The following CENPO variants were observed in gnomAD, a reference collection of about 807,000 sequenced individuals.
CENPO encodes the protein centromere protein O.
CENPO carries 30 observed loss-of-function variants against 36.1 expected under a neutral mutation model. That is an observed-to-expected ratio of 0.83 (90% CI 0.62 to 1.13). The LOEUF is 1.13. Among genes scored for constraint, CENPO ranks in the 50% most tolerant of loss-of-function variants. The pLI is 0.00. For synonymous variants in CENPO, 171 were observed against 142.3 expected, an observed-to-expected ratio of 1.20 and a Z score of -1.44; for missense variants, 349 against 357.8, an observed-to-expected ratio of 0.98 and a Z score of 0.20.
intron 4 of CENPO, chr2:24,814,783 C>T (rs757532493): frequency 3.3e-6 from 1 of 305,192 alleles, no homozygotes; most frequent in African/African-American, 2.1e-5. Flanking sequence ...TGTACTAGAA[C>T]TGTCTTTACT....
chr2:24,796,719 A>T (rs1396519101), intron 2 of CENPO, among the ~76,000 whole-genome samples: 1 of 152,176 alleles, frequency 6.6e-6, no homozygotes, highest in Non-Finnish European at 1.5e-5. Flanking sequence ...ATGAGCTGGC[A>T]CCTGACCTTG....
At position 24,819,340 on chromosome 2, in the gene CENPO, T is replaced by C. The variant is rs1399079307; in HGVS notation, c.*36-14T>C. ...TATAAATGTAGAAGATCTGTTTATATATTTTTCTTTCAGAAATAAATCCCC... is the reference window on the plus strand; with the variant it reads ...TATAAATGTAGAAGATCTGTTTATACATTTTTCTTTCAGAAATAAATCCCC... On this transcript the variant is annotated splice_polypyrimidine_tract_variant and intron_variant, in intron 7 of 7. Coordinates refer to ENST00000380834, the MANE Select transcript of CENPO (RefSeq NM_001322101.2). 1 of 152,684 alleles carries C rather than the reference T, an allele frequency of 6.5e-6. No individual in the cohort carries two copies. Among genetic ancestry groups the C allele is most frequent in the Non-Finnish European group, 1.5e-5 (1 of 68,072 alleles). 9.5% of individuals were successfully genotyped at this position (152,684 alleles called of 1,614,324 possible). A position where few individuals can be genotyped will look rare whatever the true frequency, so the allele number is the denominator to read the frequency against.
At position 24,821,147 on chromosome 2, in the gene CENPO, C is replaced by T. The variant is rs963386267; in HGVS notation, c.*1829C>T. 9.1e-6 allele frequency: 4 copies of T among 439,752 alleles called. No homozygotes were observed. Among genetic ancestry groups the T allele is most frequent in the Non-Finnish European group, 1.6e-5 (4 of 245,542 alleles). 27.2% of individuals were successfully genotyped at this position (439,752 alleles called of 1,614,324 possible). A position where few individuals can be genotyped will look rare whatever the true frequency, so the allele number is the denominator to read the frequency against. Reference sequence around the variant, plus strand: ...GGGACCTCACTCAGGAATGATACCCCCTCAGTAGAAGCAGCAGGTGATCTT... The same window carrying T: ...GGGACCTCACTCAGGAATGATACCCTCTCAGTAGAAGCAGCAGGTGATCTT... On this transcript the variant is annotated 3_prime_UTR_variant, in exon 8 of 8. Coordinates refer to ENST00000380834, the MANE Select transcript of CENPO (RefSeq NM_001322101.2).
intron 3 of CENPO, among the ~76,000 whole-genome samples, chr2:24,803,868 A>G (rs1252648271): frequency 2.6e-5 from 4 of 152,138 alleles, no homozygotes; most frequent in Admixed American, 2.6e-4. Context: ...AGCTGAGTTC[A>G]GTTCCTGGAT....
intron 3 of CENPO, among the ~76,000 whole-genome samples, chr2:24,809,770 A>G (rs926650409): frequency 3.3e-5 from 5 of 152,120 alleles, no homozygotes; most frequent in African/African-American, 1.2e-4. Context: ...TGAATGACTC[A>G]GCATGTGGTC....
At chr2:24,799,459 G>C (rs12475751) in intron 2 of CENPO, among the ~76,000 whole-genome samples, 63,960 of 151,866 alleles carry the variant, frequency 0.42, 15,475 homozygotes, top group East Asian at 0.6. Flanking sequence ...GGAGGATCCT[G>C]TTTTACATCA....
chr2:24,794,487 T>G (rs191681564), intron 2 of CENPO, among the ~76,000 whole-genome samples: 76 of 152,356 alleles, frequency 5.0e-4, no homozygotes, highest in African/African-American at 1.7e-3. Context: ...GGAAAAGTAT[T>G]GAACTCAGAC....
rs927676245 is a variant in CENPO, at chr2:24,819,659, T to TA, written c.*341_*342insA. The TA allele has an allele frequency of 7.9e-5, 28 of 354,582 alleles. No homozygotes were observed. Among genetic ancestry groups the TA allele is most frequent in the Non-Finnish European group, 1.3e-4 (25 of 195,616 alleles). 22.0% of individuals were successfully genotyped at this position (354,582 alleles called of 1,614,324 possible). A position where few individuals can be genotyped will look rare whatever the true frequency, so the allele number is the denominator to read the frequency against. ...TCCTGCTCACAGTGGTCAGGGCCCCTCAGGGGCAAGGACGGCAGGGATTGG... is the reference window on the plus strand; with the variant it reads ...TCCTGCTCACAGTGGTCAGGGCCCCTACAGGGGCAAGGACGGCAGGGATTGG... On this transcript the variant is annotated 3_prime_UTR_variant, in exon 8 of 8. Transcript: ENST00000380834.
chr2:24,816,509 C>G, intron 5 of CENPO, 137 bp from the exon 6 acceptor site: 1 of 659,864 alleles, frequency 1.5e-6, no homozygotes, highest in East Asian at 2.9e-5. Flanking sequence ...TTTTTCAGAC[C>G]TTTTTCTGTC....
At chr2:24,818,699 G>C (rs1451342899) in intron 7 of CENPO, among the ~76,000 whole-genome samples, 1 of 152,204 alleles carries the variant, frequency 6.6e-6, no homozygotes, top group Non-Finnish European at 1.5e-5. Context: ...CGCCCCCCGG[G>C]TCTTCCCTCT....
At chr2:24,810,015 T>TCCAG (rs1666604203) in intron 3 of CENPO, among the ~76,000 whole-genome samples, 1 of 148,162 alleles carries the variant, frequency 6.7e-6, no homozygotes, top group South Asian at 2.1e-4. Flanking sequence ...GTCACTCTAC[T>TCCAG]CCAGCCTGGG....
In CENPO at chr2:24,820,617, T is replaced by TTACTG; in HGVS notation, c.*1301_*1305dup. Reference sequence around the variant, plus strand: ...TTGCCCCACGTCTCTGCCTCTGGACTTACTGTTCAGGGCCAGGGTGGGAGG... The same window carrying TTACTG: ...TTGCCCCACGTCTCTGCCTCTGGACTTACTGTACTGTTCAGGGCCAGGGTGGGAGG... On this transcript the variant is annotated 3_prime_UTR_variant, in exon 8 of 8. Coordinates refer to ENST00000380834, the MANE Select transcript of CENPO (RefSeq NM_001322101.2). The TTACTG allele has an allele frequency of 5.2e-6, 8 of 1,544,604 alleles. No individual in the cohort carries two copies. Among genetic ancestry groups the TTACTG allele is most frequent in the Non-Finnish European group, 7.0e-6 (8 of 1,138,854 alleles).
At chr2:24,815,904 C>G in intron 5 of CENPO, 148 bp downstream of exon 5, 1 of 730,876 alleles carries the variant, frequency 1.4e-6, no homozygotes, top group East Asian at 2.7e-5. Context: ...TATATAAAAG[C>G]ACTATCCCAC....
intron 2 of CENPO, 109 bp downstream of exon 2, chr2:24,794,074 AGAATAGT>A: frequency 1.2e-6 from 1 of 854,398 alleles, no homozygotes; most frequent in African/African-American, 1.7e-5. Flanking sequence ...GTTTGGGAGC[AGAATAGT>A]GAAAGGAACT....
At position 24,821,052 on chromosome 2, in the gene CENPO, C is replaced by A. The variant is rs372000083; in HGVS notation, c.*1734C>A. On this transcript the variant is annotated 3_prime_UTR_variant, in exon 8 of 8. Transcript: ENST00000380834. ...CTTGTTAGGTGTCAGCCGCCACCCC[C>A]CCCCCATATGCAGATTTACTCGGCA... is the stretch of plus-strand genomic sequence containing the variant. 3.6e-5 allele frequency: 24 copies of A among 658,456 alleles called. No homozygotes were observed. The South Asian group carries it at 4.4e-4, about 12-fold the overall frequency. The allele number at this position is 658,456 out of a possible 1,614,324, so 40.8% of individuals were successfully genotyped here. A position where few individuals can be genotyped will look rare whatever the true frequency, so the allele number is the denominator to read the frequency against.
At chr2:24,812,408 T>A (rs530932334) in intron 3 of CENPO, among the ~76,000 whole-genome samples, 2 of 152,230 alleles carry the variant, frequency 1.3e-5, no homozygotes, top group South Asian at 2.1e-4. Flanking sequence ...TTTTTTTTTT[T>A]ATCCTGTTTG....
At chr2:24,816,848 CAT>C in intron 6 of CENPO, 31 bp downstream of exon 6, 1 of 1,548,806 alleles carries the variant, frequency 6.5e-7, no homozygotes, top group Non-Finnish European at 8.7e-7. Flanking sequence ...CAGAAATTCT[CAT>C]ATCCCAGTTT....
chr2:24,813,405 C>CT (rs138575363), intron 3 of CENPO, among the ~76,000 whole-genome samples: 4 of 152,080 alleles, frequency 2.6e-5, no homozygotes, highest in African/African-American at 4.8e-5. Context: ...TAGGGCTTAG[C>CT]TTTTTTTAGG....
At chr2:24,814,615 ATCAC>A in intron 4 of CENPO, 122 bp downstream of exon 4, 3 of 635,926 alleles carry the variant, frequency 4.7e-6, no homozygotes, top group Non-Finnish European at 8.5e-6. Flanking sequence ...CTCTGCCCTC[ATCAC>A]TCACACACAC....
Sources: gnomAD v4.1 joint callset for allele counts (sites outside exome capture counted in the v4.1 genomes callset) on GRCh38, gnomAD v4.1.1 for gene constraint, MANE v1.5 for transcripts, NCBI Gene and HGNC (gene_info 2026-07-23, HGNC 2026-07-21) for gene names.